Variants in MAGI1 observed in about 807,000 individuals in gnomAD.
The protein encoded by MAGI1 is membrane-associated guanylate kinase, WW and PDZ domain-containing protein 1.
A neutral mutation model predicts 139.9 loss-of-function variants in MAGI1; 58 were observed. That is an observed-to-expected ratio of 0.41 (90% CI 0.34 to 0.52). MAGI1 has a LOEUF of 0.52. MAGI1 is among the 20% of genes least tolerant of loss of function. MAGI1 has a pLI of 0.12. For missense variants in MAGI1, 1,874 were observed against 1,901.6 expected, an observed-to-expected ratio of 0.99 and a Z score of 0.27; for synonymous variants, 812 against 737.9, an observed-to-expected ratio of 1.10 and a Z score of -1.63.
chr3:65,741,840 A>G (rs970934), intron 1 of MAGI1, among the ~76,000 whole-genome samples: 151,282 of 152,288 alleles, frequency 0.99, 75,146 homozygotes, highest in East Asian at 1. Context: ...AAAATCCACG[A>G]ACATGGAGAC....
At chr3:65,488,455 G>C (rs971311899) in intron 3 of MAGI1, among the ~76,000 whole-genome samples, 7 of 151,530 alleles carry the variant, frequency 4.6e-5, no homozygotes, top group Admixed American at 1.3e-4. Flanking sequence ...TCCCACCTCA[G>C]CCTCCCAAGT....
chr3:65,531,953 C>T (rs1279832094), intron 2 of MAGI1, among the ~76,000 whole-genome samples: 1 of 152,210 alleles, frequency 6.6e-6, no homozygotes, highest in Non-Finnish European at 1.5e-5. Flanking sequence ...TAGCCCTGCA[C>T]TTACATCCCA....
intron 3 of MAGI1, among the ~76,000 whole-genome samples, chr3:65,488,215 T>C (rs1456608689): frequency 6.6e-6 from 1 of 152,216 alleles, no homozygotes; most frequent in African/African-American, 2.4e-5. Flanking sequence ...GCCTCTCACC[T>C]GACCTAACAC....
chr3:65,696,321 G>A (rs1240402257), intron 1 of MAGI1, among the ~76,000 whole-genome samples: 1 of 151,960 alleles, frequency 6.6e-6, no homozygotes, highest in Non-Finnish European at 1.5e-5. Context: ...CCTACCACTT[G>A]AGATACATTT....
chr3:65,407,175 G>A (rs951516672), intron 12 of MAGI1, among the ~76,000 whole-genome samples: 11 of 152,114 alleles, frequency 7.2e-5, no homozygotes, highest in African/African-American at 1.4e-4. Flanking sequence ...GGCAGGGCGC[G>A]GAGGCTCATT....
At chr3:65,434,642 A>C (rs1033773136) in intron 10 of MAGI1, among the ~76,000 whole-genome samples, 1 of 152,104 alleles carries the variant, frequency 6.6e-6, no homozygotes, top group Admixed American at 6.6e-5. Context: ...TAATCAAGAC[A>C]CTTAACCGGT....
intron 1 of MAGI1, among the ~76,000 whole-genome samples, chr3:66,024,287 C>A (rs1690989752): frequency 7.5e-6 from 1 of 133,124 alleles, no homozygotes; most frequent in Non-Finnish European, 1.6e-5. Context: ...AAACTTTGAA[C>A]CAGTGCTTTA....
intron 1 of MAGI1, among the ~76,000 whole-genome samples, chr3:65,987,864 C>T (rs1022418117): frequency 2.6e-5 from 4 of 152,152 alleles, no homozygotes; most frequent in Admixed American, 1.3e-4. Flanking sequence ...CCACTGCTCC[C>T]GACTACAGTA....
chr3:65,868,346 G>C (rs1379955901), intron 1 of MAGI1, among the ~76,000 whole-genome samples: 2 of 152,176 alleles, frequency 1.3e-5, no homozygotes, highest in Non-Finnish European at 2.9e-5. Context: ...GGCTAAGTAT[G>C]AATATTCCCA....
chr3:65,651,956 C>G (rs995600772), intron 1 of MAGI1, among the ~76,000 whole-genome samples: 2 of 152,148 alleles, frequency 1.3e-5, no homozygotes, highest in African/African-American at 4.8e-5. Context: ...CGTATCTTCT[C>G]TAGCTATTAT....
At position 65,496,200 on chromosome 3, in the gene MAGI1, C is replaced by A. The variant is rs1952432228; in HGVS notation, c.431-2569G>T. 3.0e-5 allele frequency among the ~76,000 whole-genome samples: 4 copies of A among 133,044 alleles called. No individual in the cohort carries two copies. The Admixed American group carries it at 3.3e-4, about 11-fold the overall frequency. The allele number at this position is 133,044 out of a possible 152,430, so 87.3% of individuals were successfully genotyped here. A position where few individuals can be genotyped will look rare whatever the true frequency, so the allele number is the denominator to read the frequency against. ...AGGACTACAGGCACGTGCCACCACA[C>A]CCAGCTAATTTTTTTTTTTTTGTAC... On this transcript the variant is annotated intron_variant, in intron 2 of 22. Coordinates refer to ENST00000402939, the MANE Select transcript of MAGI1 (RefSeq NM_001033057.2).
intron 2 of MAGI1, among the ~76,000 whole-genome samples, chr3:65,511,808 A>G (rs1344859002): frequency 2.3e-4 from 32 of 139,520 alleles, no homozygotes; most frequent in African/African-American, 8.5e-4. Context: ...AGTGGACCTA[A>G]TAGACATCTA....
chr3:65,687,165 C>G (rs945357961), intron 1 of MAGI1: 1 of 156,362 alleles, frequency 6.4e-6, no homozygotes, highest in African/African-American at 2.4e-5. Context: ...GAGGCTGAGG[C>G]AGGAGGATCG....
intron 1 of MAGI1, among the ~76,000 whole-genome samples, chr3:65,631,756 G>A (rs745416253): frequency 4.6e-5 from 7 of 152,156 alleles, no homozygotes; most frequent in Admixed American, 1.3e-4. Flanking sequence ...GCTCATGCCT[G>A]TAACCCCAGC....
intron 1 of MAGI1, among the ~76,000 whole-genome samples, chr3:65,984,547 T>A (rs1055270530): frequency 2.0e-5 from 3 of 149,842 alleles, no homozygotes; most frequent in South Asian, 2.1e-4. Flanking sequence ...TGTGTGTGTG[T>A]GTGACAGGGT....
Position 66,038,444 on chromosome 3 carries a change from G to C in MAGI1, c.-136C>G. ...CAAAACAGGAGAGAGAAACTTGGCA[G>C]CCTCGCTCCCCTGCACACGCTCGCG... is the stretch of plus-strand genomic sequence containing the variant. On this transcript the variant is annotated 5_prime_UTR_variant, in exon 1 of 23. Coordinates refer to ENST00000402939, the MANE Select transcript of MAGI1 (RefSeq NM_001033057.2). 2 of 1,246,810 alleles carry C rather than the reference G, an allele frequency of 1.6e-6. No homozygotes were observed. The highest frequency in any genetic ancestry group is 2.1e-6 in the Non-Finnish European group (2 of 935,212). The allele number at this position is 1,246,810 out of a possible 1,614,324, so 77.2% of individuals were successfully genotyped here. A position where few individuals can be genotyped will look rare whatever the true frequency, so the allele number is the denominator to read the frequency against.
intron 1 of MAGI1, among the ~76,000 whole-genome samples, chr3:66,008,253 G>A (rs1050101499): frequency 1.3e-4 from 20 of 152,130 alleles, no homozygotes; most frequent in African/African-American, 2.9e-4. Flanking sequence ...TCAGCATCAC[G>A]TGGGAGTTTG....
intron 1 of MAGI1, among the ~76,000 whole-genome samples, chr3:65,638,389 G>C (rs2084769719): frequency 6.6e-6 from 1 of 151,872 alleles, no homozygotes; most frequent in African/African-American, 2.4e-5. Flanking sequence ...CAAAACAAAT[G>C]AGTTAAACAA....
intron 2 of MAGI1, among the ~76,000 whole-genome samples, chr3:65,530,969 T>A (rs375960229): frequency 1.3e-5 from 2 of 150,822 alleles, no homozygotes; most frequent in Non-Finnish European, 2.9e-5. Flanking sequence ...AAATTTCTAT[T>A]TGCATCTCTG....
Sources: allele counts gnomAD v4.1 joint callset (sites outside exome capture counted in the v4.1 genomes callset), GRCh38; gene constraint gnomAD v4.1.1; transcripts MANE v1.5; gene names NCBI Gene and HGNC (gene_info 2026-07-23, HGNC 2026-07-21).